Variants in CACNG2 observed in about 807,000 individuals in gnomAD.
CACNG2 encodes calcium voltage-gated channel auxiliary subunit gamma 2, also known as voltage-dependent calcium channel gamma-2 subunit.
A neutral mutation model predicts 25.9 loss-of-function variants in CACNG2; 3 were observed. The observed-to-expected ratio is 0.12, with a 90% CI of 0.05 to 0.30. CACNG2 has a LOEUF of 0.30. Ranked by LOEUF, CACNG2 falls within the 10% of genes least tolerant of loss-of-function variation. CACNG2 has a pLI of 1.00. For missense variants in CACNG2, 341 were observed against 432.5 expected (o/e 0.79, Z 1.88); for synonymous variants, 167 against 173.3 (o/e 0.96, Z 0.29).
At chr22:36,674,515 G>T (rs1319347089) in intron 1 of CACNG2, among the ~76,000 whole-genome samples, 1 of 152,174 alleles carries the variant, frequency 6.6e-6, no homozygotes, top group Admixed American at 6.5e-5. Flanking sequence ...TTTCAGTACA[G>T]AGAGAGTTTC....
intron 1 of CACNG2, among the ~76,000 whole-genome samples, chr22:36,684,668 T>A (rs1937173282): frequency 6.6e-6 from 1 of 151,178 alleles, no homozygotes; most frequent in African/African-American, 2.4e-5. Context: ...TTAATAACAG[T>A]CCTGATTTAA....
chr22:36,587,243 C>T (rs1356101325), intron 2 of CACNG2, among the ~76,000 whole-genome samples: 1 of 152,100 alleles, frequency 6.6e-6, no homozygotes, highest in African/African-American at 2.4e-5. Context: ...TGGAGGTCGA[C>T]TGAGTAGGAG....
chr22:36,634,806 T>C (rs942088703), intron 1 of CACNG2, among the ~76,000 whole-genome samples: 4 of 152,210 alleles, frequency 2.6e-5, no homozygotes, highest in Non-Finnish European at 5.9e-5. Context: ...GGAAGACCAT[T>C]ATCTTTCATG....
chr22:36,679,037 G>A lies in CACNG2; in HGVS notation c.211+23329C>T, dbSNP rs146696098. Among the ~76,000 whole-genome samples, 78 of 152,302 alleles carry A rather than the reference G, an allele frequency of 5.1e-4. 1 individual carries two copies. The highest frequency in any genetic ancestry group is 1.7e-3 in the African/African-American group (71 of 41,566). On this transcript the variant is annotated intron_variant, in intron 1 of 3. Coordinates refer to ENST00000300105, the MANE Select transcript of CACNG2 (RefSeq NM_006078.5). ...AGCCCCTGGCATGGCCAGAGGAAAC[G>A]TCACAGCTGGCTGTGCCTTAACTGA...
chr22:36,662,768 C>T (rs182767520), intron 1 of CACNG2, among the ~76,000 whole-genome samples: 1 of 152,312 alleles, frequency 6.6e-6, no homozygotes, highest in African/African-American at 2.4e-5. Flanking sequence ...CCCTTACAAA[C>T]ACTCTTTCGT....
rs1935836960 is a variant in CACNG2, at chr22:36,606,631, T to C, written c.212-19083A>G. Among the ~76,000 whole-genome samples the C allele has an allele frequency of 1.3e-5, 2 of 151,820 alleles. No individual in the cohort carries two copies. The highest frequency in any genetic ancestry group is 2.9e-5 in the Non-Finnish European group (2 of 67,964). On this transcript the variant is annotated intron_variant, in intron 1 of 3. Coordinates refer to ENST00000300105, the MANE Select transcript of CACNG2 (RefSeq NM_006078.5). This position sits in a 1 kb window ranked among gnomAD's most constrained non-coding sequence, Gnocchi z 5.7. ...TGAGCCGTGAAGGATAAGTAAAAAT[T>C]GGCAGATGAAAGGGAGGGCAGGGAG...
intron 1 of CACNG2, among the ~76,000 whole-genome samples, chr22:36,651,382 C>A (rs1440185241): frequency 1.3e-5 from 2 of 151,962 alleles, no homozygotes; most frequent in African/African-American, 4.8e-5. Flanking sequence ...ATGGCCACCA[C>A]CATGCCCAGC....
At chr22:36,665,335 C>T (rs932153112) in intron 1 of CACNG2, among the ~76,000 whole-genome samples, 1 of 152,160 alleles carries the variant, frequency 6.6e-6, no homozygotes, top group African/African-American at 2.4e-5. Context: ...ACGTCCCTTT[C>T]CTCATCTCCA....
intron 2 of CACNG2, among the ~76,000 whole-genome samples, chr22:36,583,294 G>GCA (rs1935449897): frequency 6.6e-6 from 1 of 152,000 alleles, no homozygotes; most frequent in African/African-American, 2.4e-5. Context: ...TTAGCCAGAT[G>GCA]TGGTGGCGGG....
At chr22:36,652,695 C>T (rs935980736) in intron 1 of CACNG2, among the ~76,000 whole-genome samples, 5 of 152,130 alleles carry the variant, frequency 3.3e-5, no homozygotes, top group South Asian at 2.1e-4. Flanking sequence ...AAGGACCACA[C>T]CTATGAGATT....
intron 1 of CACNG2, among the ~76,000 whole-genome samples, chr22:36,595,121 CTATG>C (rs1821095687): frequency 6.8e-6 from 1 of 147,332 alleles, no homozygotes; most frequent in South Asian, 2.2e-4. Context: ...GTGTGTGTGT[CTATG>C]TGTGTGCATG....
rs115274135 is a variant in CACNG2, at chr22:36,682,655, C to A, written c.211+19711G>T. Reference sequence around the variant, plus strand: ...TGCATAAACAAGAATAATAACAACACAATTATTTGGGATCATTATTAAATT... The same window carrying A: ...TGCATAAACAAGAATAATAACAACAAAATTATTTGGGATCATTATTAAATT... On this transcript the variant is annotated intron_variant, in intron 1 of 3. Transcript: ENST00000300105. Among the ~76,000 whole-genome samples the A allele has an allele frequency of 2.5e-3, 378 of 152,186 alleles. 1 individual carries two copies. The highest frequency in any genetic ancestry group is 8.8e-3 in the African/African-American group (367 of 41,518).
Position 36,643,462 on chromosome 22 carries a change from A to ATCTG in CACNG2, c.212-55915_212-55914insCAGA, listed in dbSNP as rs1231699940. ...TGGGACTTACATTCTAATGATCTAC[A>ATCTG]TCTATCTGTCTGTCTATCTATCTAT... On this transcript the variant is annotated intron_variant, in intron 1 of 3. Coordinates refer to ENST00000300105, the MANE Select transcript of CACNG2 (RefSeq NM_006078.5). Among the ~76,000 whole-genome samples, 15 of 78,216 alleles carry ATCTG rather than the reference A, an allele frequency of 1.9e-4. No homozygotes were observed. In the South Asian group the frequency reaches 3.9e-3, roughly 20 times the overall value. The allele number at this position is 78,216 out of a possible 152,430, so 51.3% of individuals were successfully genotyped here.
chr22:36,684,130 T>C (rs1250095746), intron 1 of CACNG2, among the ~76,000 whole-genome samples: 1 of 152,188 alleles, frequency 6.6e-6, no homozygotes, highest in East Asian at 1.9e-4. Flanking sequence ...GGAACAACGC[T>C]TTTGCAAAGT....
At chr22:36,594,493 C>A (rs533731943) in intron 1 of CACNG2, among the ~76,000 whole-genome samples, 1 of 152,208 alleles carries the variant, frequency 6.6e-6, no homozygotes, top group African/African-American at 2.4e-5. Flanking sequence ...AGAAAACACA[C>A]GCTGTGGTGT....
chr22:36,629,684 AC>A (rs1479492810), intron 1 of CACNG2, among the ~76,000 whole-genome samples: 2 of 151,980 alleles, frequency 1.3e-5, no homozygotes, highest in East Asian at 1.9e-4. Context: ...TTGTTCATTC[AC>A]TTCATTCATT....
chr22:36,670,630 T>TTTTTTTTTGTTTG (rs1555900633), intron 1 of CACNG2, among the ~76,000 whole-genome samples: 6 of 151,198 alleles, frequency 4.0e-5, no homozygotes, highest in African/African-American at 1.2e-4. Context: ...TGTTTTTGTT[T>TTTTTTTTTGTTTG]TTTTGTTTTG....
intron 2 of CACNG2, among the ~76,000 whole-genome samples, chr22:36,569,742 G>T (rs1935192838): frequency 1.3e-5 from 2 of 152,208 alleles, no homozygotes; most frequent in Non-Finnish European, 2.9e-5. Context: ...TTTTCGCCAT[G>T]TTGGCCAGGC....
intron 2 of CACNG2, among the ~76,000 whole-genome samples, chr22:36,574,053 TAAG>T (rs1368168021): frequency 6.6e-6 from 1 of 151,940 alleles, no homozygotes; most frequent in African/African-American, 2.4e-5. Flanking sequence ...GGGGAGCACC[TAAG>T]GAGAGGAGGC....
Sources: allele counts gnomAD v4.1 joint callset (sites outside exome capture counted in the v4.1 genomes callset), GRCh38; gene constraint gnomAD v4.1.1; non-coding constraint Gnocchi (gnomAD v3.1); transcripts MANE v1.5; gene names NCBI Gene and HGNC (gene_info 2026-07-23, HGNC 2026-07-21).